TSHZ2: variants seen among roughly 807,000 people sequenced by gnomAD.
The protein encoded by TSHZ2 is teashirt zinc finger homeobox 2, also known as teashirt homolog 2.
A neutral mutation model predicts 74.4 loss-of-function variants in TSHZ2; 21 were observed. The observed-to-expected ratio is 0.28, with a 90% confidence interval of 0.20 to 0.41. The LOEUF (loss-of-function observed/expected upper bound fraction) is 0.41. Among genes scored for constraint, TSHZ2 ranks in the 10% least tolerant of loss-of-function variants. The pLI, the probability that TSHZ2 is intolerant of heterozygous loss-of-function variation, is 1.00. For missense variants in TSHZ2, 1,244 were observed against 1,293.5 expected (o/e 0.96, Z 0.59); for synonymous variants, 540 against 515.3 (o/e 1.05, Z -0.65).
At chr20:53,226,119 AACACACACACACACACACACAC>A (rs11470731) in intron 1 of TSHZ2, among the ~76,000 whole-genome samples, 1 of 147,646 alleles carries the variant, frequency 6.8e-6, no homozygotes. Flanking sequence ...GACTAAATTT[AACACACACACACACACACACAC>A]ACACACACAC....
intron 1 of TSHZ2, among the ~76,000 whole-genome samples, chr20:53,042,698 G>GAA (rs1331344243): frequency 2.6e-5 from 2 of 76,110 alleles, no homozygotes; most frequent in Non-Finnish European, 2.9e-5. Context: ...TGGAAGTAGA[G>GAA]AAGAAAAAAA....
At chr20:53,266,855 G>T (rs1018050099) in intron 2 of TSHZ2, among the ~76,000 whole-genome samples, 1 of 145,552 alleles carries the variant, frequency 6.9e-6, no homozygotes, top group Non-Finnish European at 1.5e-5. Flanking sequence ...TCGGCTCACT[G>T]CAACCTTCAC....
chr20:53,125,616 G>A (rs776428795), intron 1 of TSHZ2, among the ~76,000 whole-genome samples: 10 of 151,946 alleles, frequency 6.6e-5, no homozygotes, highest in Admixed American at 2.6e-4. Flanking sequence ...ATACTATCAG[G>A]CAACCCCCCG....
At chr20:53,378,078 C>T (rs1049486790) in intron 2 of TSHZ2, among the ~76,000 whole-genome samples, 15 of 152,108 alleles carry the variant, frequency 9.9e-5, no homozygotes, top group African/African-American at 3.1e-4. Flanking sequence ...CGGTGGTTCA[C>T]GCCTGTAATC....
At chr20:53,467,223 G>GA (rs1568931005) in intron 2 of TSHZ2, among the ~76,000 whole-genome samples, 4 of 152,112 alleles carry the variant, frequency 2.6e-5, no homozygotes, top group African/African-American at 9.7e-5. Context: ...TATAAAAAGG[G>GA]AAAAATTTTC....
chr20:53,459,927 C>CTGTT (rs1985281838), intron 2 of TSHZ2, among the ~76,000 whole-genome samples: 4 of 152,216 alleles, frequency 2.6e-5, no homozygotes, highest in African/African-American at 9.7e-5. Context: ...GAGAGATCCA[C>CTGTT]TGTTAGTCTG....
chr20:53,252,137 T>C lies in TSHZ2; in HGVS notation c.41-1362T>C, dbSNP rs188576684. 5.9e-5 allele frequency among the ~76,000 whole-genome samples: 9 copies of C among 152,362 alleles called. No individual in the cohort carries two copies. In the East Asian group the frequency reaches 1.7e-3, roughly 29 times the overall value. On this transcript the variant is annotated intron_variant, in intron 1 of 2. Transcript: ENST00000371497. Reference sequence around the variant, plus strand: ...GCAATTGCTCAATAAATATTCTTTATCTTCAGCAGCAGCAGCAGCGGCAGC... The same window carrying C: ...GCAATTGCTCAATAAATATTCTTTACCTTCAGCAGCAGCAGCAGCGGCAGC...
chr20:53,294,205 G>T (rs1036025076), intron 2 of TSHZ2, among the ~76,000 whole-genome samples: 1 of 151,976 alleles, frequency 6.6e-6, no homozygotes, highest in Non-Finnish European at 1.5e-5. Flanking sequence ...TGAGCAAAAG[G>T]CAGGTACCTC....
chr20:53,052,110 A>G (rs1265592299), intron 1 of TSHZ2, among the ~76,000 whole-genome samples: 1 of 152,206 alleles, frequency 6.6e-6, no homozygotes, highest in Non-Finnish European at 1.5e-5. Flanking sequence ...CTAAAGCTCT[A>G]TACCCATCAA....
chr20:53,246,608 C>T (rs1990212020), intron 1 of TSHZ2, among the ~76,000 whole-genome samples: 1 of 152,144 alleles, frequency 6.6e-6, no homozygotes, highest in Non-Finnish European at 1.5e-5. Context: ...CTTGGAAGAC[C>T]CACTGTGACG....
intron 2 of TSHZ2, among the ~76,000 whole-genome samples, chr20:53,335,429 A>G (rs1233758604): frequency 6.6e-6 from 1 of 152,204 alleles, no homozygotes; most frequent in Non-Finnish European, 1.5e-5. Context: ...CCAGTTTGCC[A>G]CTGGCCCCAC....
At chr20:53,225,652 A>G (rs1358279088) in intron 1 of TSHZ2, among the ~76,000 whole-genome samples, 3 of 152,220 alleles carry the variant, frequency 2.0e-5, no homozygotes, top group Non-Finnish European at 4.4e-5. Flanking sequence ...TTTGTTTTAC[A>G]GCCGAAGAAA....
chr20:53,184,554 CACT>C (rs1343183915), intron 1 of TSHZ2, among the ~76,000 whole-genome samples: 1 of 152,150 alleles, frequency 6.6e-6, no homozygotes, highest in Non-Finnish European at 1.5e-5. Context: ...CCAAAGATCA[CACT>C]ACTAACATCA....
At chr20:53,180,839 C>T (rs1398186889) in intron 1 of TSHZ2, among the ~76,000 whole-genome samples, 2 of 152,052 alleles carry the variant, frequency 1.3e-5, no homozygotes, top group East Asian at 3.8e-4. Flanking sequence ...AAGGAGCTGC[C>T]TTACTGAGTC....
chr20:53,041,557 C>T (rs182293605), intron 1 of TSHZ2, among the ~76,000 whole-genome samples: 2 of 152,112 alleles, frequency 1.3e-5, no homozygotes, highest in Non-Finnish European at 2.9e-5. Context: ...GACAGTTTCT[C>T]AAGGAAGACT....
chr20:53,235,318 C>T (rs998571086), intron 1 of TSHZ2, among the ~76,000 whole-genome samples: 1 of 152,034 alleles, frequency 6.6e-6, no homozygotes, highest in African/African-American at 2.4e-5. Context: ...CAGGCGTGGA[C>T]CACCATACCC....
chr20:53,319,037 C>T (rs551832160), intron 2 of TSHZ2, among the ~76,000 whole-genome samples: 33 of 152,250 alleles, frequency 2.2e-4, no homozygotes, highest in East Asian at 5.8e-4. Flanking sequence ...GAGAATAGCA[C>T]GGGCAAGGCT....
chr20:53,355,118 G>C (rs1980797005), intron 2 of TSHZ2, among the ~76,000 whole-genome samples: 1 of 152,046 alleles, frequency 6.6e-6, no homozygotes, highest in African/African-American at 2.4e-5. Context: ...GATCAAGACA[G>C]GTCTAATTTC....
chr20:53,071,607 A>G (rs1985176420), intron 1 of TSHZ2, among the ~76,000 whole-genome samples: 1 of 152,048 alleles, frequency 6.6e-6, no homozygotes, highest in Admixed American at 6.5e-5. Flanking sequence ...AGCCAGGCCA[A>G]TTTTGGGGGA....
Sources: gnomAD v4.1 joint callset for allele counts (sites outside exome capture counted in the v4.1 genomes callset) on GRCh38, gnomAD v4.1.1 for gene constraint, MANE v1.5 for transcripts, NCBI Gene and HGNC (gene_info 2026-07-23, HGNC 2026-07-21) for gene names.